USP6: variants seen among roughly 807,000 people sequenced by gnomAD.
USP6 encodes the protein ubiquitin carboxyl-terminal hydrolase 6.
USP6 carries 128 observed loss-of-function variants against 175.7 expected under a neutral mutation model. That is an observed-to-expected ratio of 0.73 (90% CI 0.63 to 0.84). USP6 has a LOEUF of 0.84. USP6 is among the 40% of genes least tolerant of loss of function. The pLI, the probability that USP6 is intolerant of heterozygous loss-of-function variation, is 0.00. For missense variants in USP6, 1,498 were observed against 1,760.3 expected (o/e 0.85, Z 2.67); for synonymous variants, 562 against 630.6 (o/e 0.89, Z 1.63).
intron 33 of USP6, among the ~76,000 whole-genome samples, chr17:5,166,333 A>G (rs1165511562): frequency 1.3e-5 from 2 of 152,224 alleles, no homozygotes; most frequent in Non-Finnish European, 2.9e-5. Flanking sequence ...CCGTAACTGC[A>G]TGATCAAACC....
intron 4 of USP6, 80 bp downstream of exon 4, chr17:5,121,830 T>G (rs999771385): frequency 1.3e-5 from 2 of 152,864 alleles, no homozygotes; most frequent in African/African-American, 4.8e-5. Flanking sequence ...TGAGCACCAG[T>G]GAAGTTCAGG....
intron 36 of USP6, 59 bp from the exon 37 acceptor site, chr17:5,171,528 A>G (rs1397837424): frequency 2.0e-6 from 3 of 1,530,422 alleles, no homozygotes; most frequent in Non-Finnish European, 2.7e-6. Flanking sequence ...TCTTAGTGCT[A>G]TACCCTGGCC....
intron 25 of USP6, among the ~76,000 whole-genome samples, chr17:5,143,605 A>T (rs1293974627): frequency 6.6e-6 from 1 of 151,968 alleles, no homozygotes; most frequent in African/African-American, 2.4e-5. Context: ...GTACCCAGGG[A>T]CACAAACACT....
rs1374698880 is a variant in USP6, at chr17:5,139,384, C to G, written c.1208C>G (p.Ala403Gly). Residue 403 changes from alanine to glycine, a missense_variant, in exon 22 of 38, where the codon GCT (alanine) becomes GGT (glycine). Physicochemically the swap from Ala to Gly is moderately conservative, Grantham distance 60. Around this residue, in one of 2 missense-constraint regions of USP6, gnomAD observed 1,217 missense variants for 1,500.8 expected, o/e 0.81. Transcript: ENST00000574788. ...CAGTTCCAGCGGCCCATTTGCTCAG[C>G]TTCCCCGCCATGGGCATCTCGTTTT... ...PAQFQRPICS[A>G]SPPWASRFST... The G allele has an allele frequency of 3.1e-6, 5 of 1,613,256 alleles. No individual in the cohort carries two copies. In the African/African-American group the frequency reaches 6.7e-5, roughly 22 times the overall value.
At position 5,142,138 on chromosome 17, in the gene USP6, A is replaced by G. The variant is rs1567792753; in HGVS notation, c.1709A>G (p.Asn570Ser). The G allele has an allele frequency of 6.2e-7, 1 of 1,611,406 alleles. No homozygotes were observed. The highest frequency in any genetic ancestry group is 2.2e-5 in the East Asian group (1 of 44,870). ...FISGRHLYEL[N>S]RTNPIGMKGH... is the part of the protein sequence containing the mutation. Reference sequence around the variant, plus strand: ...TCAGGGAGACATCTTTATGAACTCAACAGGTAAACTTTCTTGAGTCACTGG... The same window carrying G: ...TCAGGGAGACATCTTTATGAACTCAGCAGGTAAACTTTCTTGAGTCACTGG... Residue 570 changes from asparagine to serine, a missense_variant, in exon 24 of 38, where the codon AAC (asparagine) becomes AGC (serine). Transcript: ENST00000574788.
rs2072631783 is a variant in USP6 at position 5,120,572 on chromosome 17, C to T, written c.-1836-55C>T. ...TCTCCGAGGGAAAGAAGGCAGGCCC[C>T]AGGGTCTTTCCCCAGGATGGCCTTG... On this transcript the variant is annotated intron_variant, in intron 2 of 37. Coordinates refer to ENST00000574788, the MANE Select transcript of USP6 (RefSeq NM_001304284.2). 8.4e-6 allele frequency: 3 copies of T among 358,940 alleles called. No homozygotes were observed. In the Admixed American group the frequency reaches 1.2e-4, roughly 14 times the overall value. The allele number at this position is 358,940 out of a possible 1,614,324, so 22.2% of individuals were successfully genotyped here. A position where few individuals can be genotyped will look rare whatever the true frequency, so the allele number is the denominator to read the frequency against.
chr17:5,127,228 C>T (rs1469462340), intron 6 of USP6, among the ~76,000 whole-genome samples: 1 of 152,138 alleles, frequency 6.6e-6, no homozygotes, highest in African/African-American at 2.4e-5. Context: ...CCACTGGGCT[C>T]CGCCGCCCCT....
rs1426993800 is a variant in USP6 at position 5,132,338 on chromosome 17, G to C, written c.156-58G>C. The C allele has an allele frequency of 4.3e-6, 7 of 1,612,072 alleles. No individual in the cohort carries two copies. The South Asian group carries it at 6.6e-5, about 15-fold the overall frequency. On this transcript the variant is annotated intron_variant, in intron 11 of 37. Transcript: ENST00000574788. This position sits in a 1 kb window ranked among gnomAD's most constrained non-coding sequence, Gnocchi z 4.7. ...AGTCCTTTCTGGGGGTCGGCTCCCAGGCTTGGGCGGCTCCAGGCCCTGTGC... is the reference window on the plus strand; with the variant it reads ...AGTCCTTTCTGGGGGTCGGCTCCCACGCTTGGGCGGCTCCAGGCCCTGTGC...
Position 5,145,402 on chromosome 17 carries a change from T to C in USP6, c.1993-3T>C. 1 of 1,569,928 alleles carries C rather than the reference T, an allele frequency of 6.4e-7. No homozygotes were observed. Among genetic ancestry groups the C allele is most frequent in the Non-Finnish European group, 8.6e-7 (1 of 1,159,786 alleles). On this transcript the variant is annotated splice_polypyrimidine_tract_variant and splice_region_variant and intron_variant, in intron 26 of 37. Coordinates refer to ENST00000574788, the MANE Select transcript of USP6 (RefSeq NM_001304284.2). Reference sequence around the variant, plus strand: ...AGAAAATTCTCATCTTTTTTATTGCTAGGCCTGGGACAACCATCTAAGAAG... The same window carrying C: ...AGAAAATTCTCATCTTTTTTATTGCCAGGCCTGGGACAACCATCTAAGAAG...
rs199966593 is a variant in USP6, at chr17:5,144,809, A to G, written c.1938A>G (p.Pro646=). ...ATCTCAACCGAGTCCATGAAAAGCC[A>G]TATGTGGAACTGAAGGACAGTGATG... ...HEDLNRVHEK[P]YVELKDSDGR... Residue 646 remains proline, a synonymous_variant, in exon 26 of 38, where the codon CCA becomes CCG. Coordinates refer to ENST00000574788, the MANE Select transcript of USP6 (RefSeq NM_001304284.2). 1.2e-4 allele frequency: 198 copies of G among 1,613,356 alleles called. No homozygotes were observed. The highest frequency in any genetic ancestry group is 1.5e-4 in the Non-Finnish European group (177 of 1,179,484).
Position 5,141,473 on chromosome 17 carries a change from ATAG to A in USP6, c.1553_1555del (p.Ser518del), listed in dbSNP as rs1455710541. 4 of 1,608,184 alleles carry A rather than the reference ATAG, an allele frequency of 2.5e-6. No homozygotes were observed. The African/African-American group carries it at 5.4e-5, about 22-fold the overall frequency. On this transcript the variant is annotated inframe_deletion, in exon 23 of 38. Coordinates refer to ENST00000574788, the MANE Select transcript of USP6 (RefSeq NM_001304284.2). Reference sequence around the variant, plus strand: ...CCTGAGGAGATGTCTTTTACAGCAAATAGTAGTAAAATAGATAGACAAAAGGGT... The same window carrying A: ...CCTGAGGAGATGTCTTTTACAGCAAATAGTAAAATAGATAGACAAAAGGGT...
intron 10 of USP6, 80 bp downstream of exon 10, chr17:5,130,519 A>G: frequency 6.2e-7 from 1 of 1,611,194 alleles, no homozygotes; most frequent in Non-Finnish European, 8.5e-7. Context: ...CTAGGAGCAC[A>G]GGGCAGGGAC....
intron 5 of USP6, 143 bp from the exon 6 acceptor site, chr17:5,125,678 G>GCA (rs71151842): frequency 0.035 from 4,761 of 137,574 alleles, 100 homozygotes; most frequent in African/African-American, 0.058. Context: ...ACACGCACAT[G>GCA]CACACACACA....
At chr17:5,125,732 A>C (rs2072875834) in intron 5 of USP6, 89 bp from the exon 6 acceptor site, 1 of 149,902 alleles carries the variant, frequency 6.7e-6, no homozygotes, top group African/African-American at 2.5e-5. Flanking sequence ...ACTGTGTTTC[A>C]TGCCCTCACT....
chr17:5,163,071 A>G lies in USP6; in HGVS notation c.3036+67A>G, dbSNP rs530820553. Reference sequence around the variant, plus strand: ...GGAAATTTCCCCCAGTGTAACTATTATGCCATTTCTGTTTGACAATTTAAA... The same window carrying G: ...GGAAATTTCCCCCAGTGTAACTATTGTGCCATTTCTGTTTGACAATTTAAA... On this transcript the variant is annotated intron_variant, in intron 33 of 37. Coordinates refer to ENST00000574788, the MANE Select transcript of USP6 (RefSeq NM_001304284.2). 2.9e-4 allele frequency: 429 copies of G among 1,479,244 alleles called. 2 individuals carry two copies. Among genetic ancestry groups the G allele is most frequent in the Middle Eastern group, 2.0e-3 (11 of 5,514 alleles). 91.6% of individuals were successfully genotyped at this position (1,479,244 alleles called of 1,614,324 possible).
intron 22 of USP6, among the ~76,000 whole-genome samples, chr17:5,140,201 G>A (rs1362630468): frequency 6.6e-6 from 1 of 152,118 alleles, no homozygotes; most frequent in Non-Finnish European, 1.5e-5. Context: ...TATTGTAAAG[G>A]CACTACAGTG....
intron 4 of USP6, among the ~76,000 whole-genome samples, chr17:5,123,558 T>TCACTCG (rs992075662): frequency 4.6e-5 from 7 of 152,018 alleles, no homozygotes; most frequent in Admixed American, 4.6e-4. Flanking sequence ...GGGGCCACAC[T>TCACTCG]CACTCGCACT....
At chr17:5,141,665 CA>C (rs2073451641) in intron 23 of USP6, among the ~76,000 whole-genome samples, 166 bp downstream of exon 23, 1 of 152,102 alleles carries the variant, frequency 6.6e-6, no homozygotes, top group African/African-American at 2.4e-5. Context: ...AACCCACCAT[CA>C]AATTATTTTC....
In USP6 at chr17:5,174,584, A is replaced by AT. The variant is rs1373531399; in HGVS notation, c.*1610dup. The stretch of plus-strand genomic sequence containing the variant: ...AAAATGCACACTTTATAGTTTCAAG[A>AT]TTTTCAGTAAATAAAATCTGTCCAT... On this transcript the variant is annotated 3_prime_UTR_variant, in exon 38 of 38. Coordinates refer to ENST00000574788, the MANE Select transcript of USP6 (RefSeq NM_001304284.2). The AT allele has an allele frequency of 5.2e-6, 1 of 193,658 alleles. No individual in the cohort carries two copies. Among genetic ancestry groups the AT allele is most frequent in the East Asian group, 8.2e-5 (1 of 12,246 alleles). 12.0% of individuals were successfully genotyped at this position (193,658 alleles called of 1,614,324 possible).
Sources: gnomAD v4.1 joint callset for allele counts (sites outside exome capture counted in the v4.1 genomes callset) on GRCh38, gnomAD v4.1.1 for gene constraint, gnomAD v4.1.1 regional missense constraint, Gnocchi (gnomAD v3.1) non-coding constraint, MANE v1.5 for transcripts, NCBI Gene and HGNC (gene_info 2026-07-23, HGNC 2026-07-21) for gene names.